Variants in NLGN1 observed in about 807,000 individuals in gnomAD.
NLGN1 encodes neuroligin-1.
In NLGN1, 12 loss-of-function variants were observed where a neutral mutation model predicts 65.5. The ratio of observed to expected loss-of-function variants is 0.18; its 90% confidence interval spans 0.12 to 0.30. NLGN1 has a LOEUF of 0.30. Ranked by LOEUF, NLGN1 falls within the 10% of genes least tolerant of loss-of-function variation. The pLI is 1.00. For missense variants in NLGN1, 750 were observed against 1,007.1 expected (o/e 0.74, Z 3.46); for synonymous variants, 350 against 359.5 (o/e 0.97, Z 0.30).
intron 4 of NLGN1, among the ~76,000 whole-genome samples, chr3:173,947,224 G>A (rs1252277023): frequency 3.3e-5 from 5 of 152,018 alleles, no homozygotes; most frequent in African/African-American, 1.2e-4. Flanking sequence ...GTTTCTCCAT[G>A]TTGATCAGGC....
chr3:173,410,070 A>G (rs1335643754), intron 1 of NLGN1, among the ~76,000 whole-genome samples: 1 of 152,178 alleles, frequency 6.6e-6, no homozygotes, highest in Non-Finnish European at 1.5e-5. Flanking sequence ...TACTGCTGCT[A>G]AGTTAGTACT....
chr3:173,408,709 G>T (rs916836491), intron 1 of NLGN1, among the ~76,000 whole-genome samples: 2 of 152,060 alleles, frequency 1.3e-5, no homozygotes, highest in Admixed American at 6.6e-5. Flanking sequence ...TCAGGAGATC[G>T]AGACCTTCCT....
chr3:173,621,949 G>T (rs1298742722), intron 3 of NLGN1, among the ~76,000 whole-genome samples: 1 of 152,012 alleles, frequency 6.6e-6, no homozygotes, highest in East Asian at 1.9e-4. Context: ...TTATGCCTTT[G>T]TAGTGTGTTC....
At chr3:174,185,526 C>A (rs187342010) in intron 4 of NLGN1, among the ~76,000 whole-genome samples, 3 of 152,156 alleles carry the variant, frequency 2.0e-5, no homozygotes, top group Admixed American at 2.0e-4. Flanking sequence ...ATACTATGAA[C>A]TTCTTGAAGG....
chr3:173,863,164 G>C (rs1006791228), intron 4 of NLGN1, among the ~76,000 whole-genome samples: 9 of 151,072 alleles, frequency 6.0e-5, no homozygotes, highest in African/African-American at 2.2e-4. Context: ...TCTATTTTAT[G>C]TTAAAAATTA....
intron 4 of NLGN1, among the ~76,000 whole-genome samples, chr3:174,209,094 G>A (rs1735960027): frequency 6.6e-6 from 1 of 151,848 alleles, no homozygotes; most frequent in African/African-American, 2.4e-5. Context: ...GCTAATTTTT[G>A]TATTTTTTTA....
chr3:173,602,088 G>C (rs1041902158), intron 2 of NLGN1, among the ~76,000 whole-genome samples: 1 of 151,990 alleles, frequency 6.6e-6, no homozygotes, highest in African/African-American at 2.4e-5. Context: ...AAGAGGCCCT[G>C]GCCAAGGTAA....
chr3:173,990,123 T>A (rs1266902730), intron 4 of NLGN1, among the ~76,000 whole-genome samples: 1 of 152,198 alleles, frequency 6.6e-6, no homozygotes, highest in Non-Finnish European at 1.5e-5. Flanking sequence ...ACAGATATTA[T>A]CACACCATAC....
At position 173,848,784 on chromosome 3, in the gene NLGN1, G is replaced by A. The variant is rs564109684; in HGVS notation, c.646+40952G>A. Among the ~76,000 whole-genome samples the A allele has an allele frequency of 3.7e-4, 56 of 152,168 alleles. 1 individual carries two copies. Among genetic ancestry groups the A allele is most frequent in the African/African-American group, 1.3e-3 (56 of 41,516 alleles). On this transcript the variant is annotated intron_variant, in intron 4 of 6. Transcript: ENST00000457714. Reference sequence around the variant, plus strand: ...TGAATATTTTATTCAATCTTTATGTGAATTGATTTACCTCCTATTGAGTTT... The same window carrying A: ...TGAATATTTTATTCAATCTTTATGTAAATTGATTTACCTCCTATTGAGTTT...
At chr3:174,216,478 A>G (rs1737625858) in intron 4 of NLGN1, among the ~76,000 whole-genome samples, 1 of 152,124 alleles carries the variant, frequency 6.6e-6, no homozygotes, top group East Asian at 1.9e-4. Flanking sequence ...CTGAAGATTC[A>G]AGGGAAAGAA....
intron 2 of NLGN1, among the ~76,000 whole-genome samples, chr3:173,585,716 G>T (rs917643692): frequency 6.6e-6 from 1 of 152,190 alleles, no homozygotes; most frequent in Non-Finnish European, 1.5e-5. Flanking sequence ...TAGCGAGTGC[G>T]CCAGGCAGAC....
intron 3 of NLGN1, among the ~76,000 whole-genome samples, chr3:173,781,315 C>G (rs1010599478): frequency 2.6e-5 from 4 of 152,052 alleles, no homozygotes; most frequent in African/African-American, 9.7e-5. Flanking sequence ...ATGGCTAATA[C>G]TTTTTTCTGT....
chr3:174,208,390 G>T (rs1395199432), intron 4 of NLGN1, among the ~76,000 whole-genome samples: 1 of 152,146 alleles, frequency 6.6e-6, no homozygotes, highest in African/African-American at 2.4e-5. Flanking sequence ...AAAACAGCAG[G>T]TGGTCACTCA....
intron 2 of NLGN1, among the ~76,000 whole-genome samples, chr3:173,513,635 C>T (rs1307707159): frequency 1.3e-5 from 2 of 152,112 alleles, no homozygotes; most frequent in East Asian, 1.9e-4. Flanking sequence ...AAGTAGAAAC[C>T]AAAAGTCCTG....
rs187099595 is a variant in NLGN1, at chr3:173,810,040, C to T, written c.646+2208C>T. On this transcript the variant is annotated intron_variant, in intron 4 of 6. Coordinates refer to ENST00000457714, the Ensembl canonical transcript of NLGN1. ...CTGTCCTTGATAGGCCTCCTCTCAACGTGACAAAACATAAACTCTGTGAAA... is the reference window on the plus strand; with the variant it reads ...CTGTCCTTGATAGGCCTCCTCTCAATGTGACAAAACATAAACTCTGTGAAA... Among the ~76,000 whole-genome samples the T allele has an allele frequency of 9.3e-4, 141 of 152,272 alleles. 1 individual carries two copies. The highest frequency in any genetic ancestry group is 3.1e-3 in the African/African-American group (129 of 41,564).
chr3:173,679,245 G>A (rs1763599382), intron 3 of NLGN1, among the ~76,000 whole-genome samples: 1 of 151,752 alleles, frequency 6.6e-6, no homozygotes, highest in Admixed American at 6.6e-5. Flanking sequence ...TGATTCACTA[G>A]GGCTAGTAAA....
chr3:173,437,365 T>G (rs982859373), intron 2 of NLGN1, among the ~76,000 whole-genome samples: 2 of 152,194 alleles, frequency 1.3e-5, no homozygotes, highest in Non-Finnish European at 2.9e-5. Flanking sequence ...GATTACTCAC[T>G]GTGACCAGAA....
chr3:173,854,834 A>G (rs1307927741), intron 4 of NLGN1, among the ~76,000 whole-genome samples: 1 of 152,126 alleles, frequency 6.6e-6, no homozygotes, highest in African/African-American at 2.4e-5. Flanking sequence ...AGCAGGGTGA[A>G]CTTACATCTC....
At chr3:174,251,315 C>G (rs991717845) in intron 4 of NLGN1, among the ~76,000 whole-genome samples, 1 of 152,122 alleles carries the variant, frequency 6.6e-6, no homozygotes, top group Admixed American at 6.5e-5. Flanking sequence ...AAGTCTAAGC[C>G]TGTTTACGTT....
Sources: gnomAD v4.1 joint callset for allele counts (sites outside exome capture counted in the v4.1 genomes callset) on GRCh38, gnomAD v4.1.1 for gene constraint, MANE v1.5 for transcripts, NCBI Gene and HGNC (gene_info 2026-07-23, HGNC 2026-07-21) for gene names.